Variants in CRYBG3 observed in about 807,000 individuals in gnomAD.
CRYBG3 encodes very large A-kinase anchor protein.
CRYBG3 carries 127 observed loss-of-function variants against 244.2 expected under a neutral mutation model. The observed-to-expected ratio is 0.52, with a 90% confidence interval of 0.45 to 0.60. The LOEUF is 0.60. Among genes scored for constraint, CRYBG3 ranks in the 20% least tolerant of loss-of-function variants. The pLI is 0.00. For missense variants in CRYBG3, 3,325 were observed against 3,442.5 expected (o/e 0.97, Z 0.85); for synonymous variants, 1,132 against 1,195.8 (o/e 0.95, Z 1.10).
intron 1 of CRYBG3, among the ~76,000 whole-genome samples, chr3:97,839,158 TG>T (rs2038777217): frequency 6.6e-6 from 1 of 152,128 alleles, no homozygotes; most frequent in Admixed American, 6.6e-5. Flanking sequence ...TGAAATACCC[TG>T]GGTCCCAAAG....
At chr3:97,886,891 G>T (rs2039514443) in intron 8 of CRYBG3, 124 bp downstream of exon 8, 2 of 766,068 alleles carry the variant, frequency 2.6e-6, no homozygotes, top group South Asian at 2.6e-5. Context: ...AAGAAAGACT[G>T]CAGGGGTTAA....
intron 17 of CRYBG3, among the ~76,000 whole-genome samples, chr3:97,928,238 G>A (rs997744159): frequency 3.9e-5 from 6 of 151,902 alleles, no homozygotes; most frequent in African/African-American, 1.4e-4. Context: ...GCAGAATATC[G>A]AATATGTTCT....
At chr3:97,827,846 T>TACAGCATTATGTG (rs2038598799) in intron 1 of CRYBG3, among the ~76,000 whole-genome samples, 1 of 152,146 alleles carries the variant, frequency 6.6e-6, no homozygotes, top group Non-Finnish European at 1.5e-5. Flanking sequence ...ATTCAAAGCC[T>TACAGCATTATGTG]ACAGCATTAT....
chr3:97,838,412 G>A lies in CRYBG3; in HGVS notation c.150-4783G>A, dbSNP rs548436873. On this transcript the variant is annotated intron_variant, in intron 1 of 21. Transcript: ENST00000389622. ...TCAGACCATTGTTTATCAAGAATGG[G>A]GTCAGAGGGCCACCTGCATTAGAAC... Among the ~76,000 whole-genome samples, 231 of 152,156 alleles carry A rather than the reference G, an allele frequency of 1.5e-3. 2 individuals carry two copies. The highest frequency in any genetic ancestry group is 2.5e-3 in the Non-Finnish European group (169 of 67,982).
chr3:97,862,090 G>GT (rs5851082), intron 2 of CRYBG3, among the ~76,000 whole-genome samples: 102,822 of 150,522 alleles, frequency 0.68, 36,897 homozygotes, highest in East Asian at 0.81. Flanking sequence ...GGAGAAACAA[G>GT]TTTTTTTTTT....
chr3:97,912,193 C>A lies in CRYBG3; in HGVS notation c.8031C>A (p.Phe2677Leu). ...HLLKAFSKPG[F>L]QGECIDFTEE... is the part of the protein sequence containing the mutation. Reference sequence around the variant, plus strand: ...TCAAAGCATTCAGCAAACCAGGGTTCCAAGGTGAATGTATAGATTTTACAG... The same window carrying A: ...TCAAAGCATTCAGCAAACCAGGGTTACAAGGTGAATGTATAGATTTTACAG... The change falls in exon 16 of 22, where the codon TTC becomes TTA. Residue 2677 changes from phenylalanine (F) to leucine (L), a missense_variant. Coordinates refer to ENST00000389622, the MANE Select transcript of CRYBG3 (RefSeq NM_153605.4). The A allele has an allele frequency of 6.2e-7, 1 of 1,601,930 alleles. No homozygotes were observed. Among genetic ancestry groups the A allele is most frequent in the Non-Finnish European group, 8.5e-7 (1 of 1,173,758 alleles).
At chr3:97,930,741 A>T (rs1428761319) in intron 17 of CRYBG3, among the ~76,000 whole-genome samples, 1 of 152,066 alleles carries the variant, frequency 6.6e-6, no homozygotes, top group Non-Finnish European at 1.5e-5. Flanking sequence ...AGTGGCTGCC[A>T]TATTGGAGAG....
rs2039331345 is a variant in CRYBG3 at position 97,873,550 on chromosome 3, G to A, written c.2356G>A (p.Val786Met). Residue 786 changes from valine (V) to methionine (M), a missense_variant, in exon 4 of 22, where the codon GTG (valine) becomes ATG (methionine). Val to Met is a conservative substitution (Grantham distance 21, BLOSUM62 1). Around this residue, in one of 4 missense-constraint regions of CRYBG3, gnomAD observed 1,526 missense variants for 1,443.2 expected, o/e 1.06. Coordinates refer to ENST00000389622, the MANE Select transcript of CRYBG3 (RefSeq NM_153605.4). ...TCAAGACCCTAATAGAGTAGAGTTAGTGTCTTCAAACACTAAAGCAAATAT... is the reference window on the plus strand; with the variant it reads ...TCAAGACCCTAATAGAGTAGAGTTAATGTCTTCAAACACTAAAGCAAATAT... ...LSQDPNRVELVSSNTKANMSI... is the reference protein window; with the variant it reads ...LSQDPNRVELMSSNTKANMSI... 6.5e-7 allele frequency: 1 copy of A among 1,535,480 alleles called. No individual in the cohort carries two copies. Among genetic ancestry groups the A allele is most frequent in the Non-Finnish European group, 8.7e-7 (1 of 1,146,826 alleles).
rs551471291 is a variant in CRYBG3 at position 97,848,254 on chromosome 3, T to A, written c.216+4993T>A. 6.6e-5 allele frequency among the ~76,000 whole-genome samples: 10 copies of A among 152,312 alleles called. No homozygotes were observed. The East Asian group carries it at 1.7e-3, about 26-fold the overall frequency. ...AGGGAAATTAATTACTGAACCAATT[T>A]TTAAAATATGTATGGCTTTAGTGTA... On this transcript the variant is annotated intron_variant, in intron 2 of 21. Transcript: ENST00000389622.
Position 97,908,370 on chromosome 3 carries a change from A to G in CRYBG3, c.8005-3797A>G, listed in dbSNP as rs1026182625. 6.6e-5 allele frequency among the ~76,000 whole-genome samples: 10 copies of G among 152,174 alleles called. No individual in the cohort carries two copies. In the East Asian group the frequency reaches 1.7e-3, roughly 26 times the overall value. ...GGTGTTAAAGTCTCCCATTATTAAT[A>G]TGTGGGAGTCTAAGTCTCTTTTTAG... On this transcript the variant is annotated intron_variant, in intron 15 of 21. Transcript: ENST00000389622.
chr3:97,881,026 C>A, intron 6 of CRYBG3, 46 bp from the exon 7 acceptor site: 3 of 1,459,520 alleles, frequency 2.1e-6, no homozygotes, highest in Middle Eastern at 1.8e-4. Flanking sequence ...TGCCTTATTT[C>A]TTAGAAAATT....
chr3:97,898,088 T>C (rs9826126), intron 12 of CRYBG3, among the ~76,000 whole-genome samples: 69,289 of 151,500 alleles, frequency 0.46, 16,693 homozygotes, highest in East Asian at 0.67. Context: ...GGCATGGTGG[T>C]GGGCACCTGT....
At chr3:97,849,132 C>T (rs565012823) in intron 2 of CRYBG3, among the ~76,000 whole-genome samples, 4 of 152,222 alleles carry the variant, frequency 2.6e-5, no homozygotes, top group South Asian at 4.1e-4. Flanking sequence ...TGTAGTAGGG[C>T]GGGTCCTTAT....
intron 4 of CRYBG3, among the ~76,000 whole-genome samples, chr3:97,878,464 T>C (rs2108221382): frequency 6.6e-6 from 1 of 152,286 alleles, no homozygotes; most frequent in South Asian, 2.1e-4. Context: ...TGTATAAAGT[T>C]TGTTTCATAA....
chr3:97,834,946 A>G (rs1352918389), intron 1 of CRYBG3, among the ~76,000 whole-genome samples: 1 of 152,166 alleles, frequency 6.6e-6, no homozygotes, highest in African/African-American at 2.4e-5. Context: ...AAGCACACTC[A>G]TAACCCTACC....
In CRYBG3 at chr3:97,874,358, G is replaced by T. The variant is rs1044886351; in HGVS notation, c.3164G>T (p.Gly1055Val). 20 of 1,526,432 alleles carry T rather than the reference G, an allele frequency of 1.3e-5. No homozygotes were observed. The highest frequency in any genetic ancestry group is 2.8e-5 in the African/African-American group (2 of 72,260). 94.6% of individuals were successfully genotyped at this position (1,526,432 alleles called of 1,614,324 possible). A position where few individuals can be genotyped will look rare whatever the true frequency, so the allele number is the denominator to read the frequency against. The change falls in exon 4 of 22, where the codon GGT (glycine) becomes GTT (valine). Residue 1055 changes from glycine to valine, a missense_variant. Gly to Val is a moderately radical substitution (Grantham distance 109). Coordinates refer to ENST00000389622, the MANE Select transcript of CRYBG3 (RefSeq NM_153605.4). ...AAAGAGAACATCCATTTTTTAAATG[G>T]TGGTATTGATAGTGTGTCATCTTCC... ...RKKENIHFLN[G>V]GIDSVSSSSS...
At chr3:97,879,534 A>C (rs374223771) in intron 4 of CRYBG3, among the ~76,000 whole-genome samples, 170 bp from the exon 5 acceptor site, 3 of 152,312 alleles carry the variant, frequency 2.0e-5, no homozygotes, top group Middle Eastern at 3.4e-3. Context: ...ACAATGTGTT[A>C]ATTTCCTATA....
intron 10 of CRYBG3, among the ~76,000 whole-genome samples, chr3:97,892,510 T>G (rs2039591349): frequency 6.6e-6 from 1 of 152,186 alleles, no homozygotes; most frequent in Non-Finnish European, 1.5e-5. Flanking sequence ...TTCACCATTC[T>G]TCTACCCAAG....
chr3:97,872,753 A>C lies in CRYBG3; in HGVS notation c.1559A>C (p.Lys520Thr). ...GKRLSAQDSQKNVAVREIRRE... is the reference protein window; with the variant it reads ...GKRLSAQDSQTNVAVREIRRE... ...AGATTGTCTGCCCAAGACTCACAGAAAAATGTGGCTGTTAGAGAAATCAGG... is the reference window on the plus strand; with the variant it reads ...AGATTGTCTGCCCAAGACTCACAGACAAATGTGGCTGTTAGAGAAATCAGG... Residue 520 changes from lysine to threonine, a missense_variant, in exon 4 of 22, where the codon AAA becomes ACA. This residue lies in a region of CRYBG3 where 1,526 missense variants were observed against 1,443.2 expected (regional missense o/e 1.06). Coordinates refer to ENST00000389622, the MANE Select transcript of CRYBG3 (RefSeq NM_153605.4). 6.5e-7 allele frequency: 1 copy of C among 1,536,000 alleles called. No individual in the cohort carries two copies. Among genetic ancestry groups the C allele is most frequent in the Non-Finnish European group, 8.7e-7 (1 of 1,146,816 alleles).
Sources: allele counts gnomAD v4.1 joint callset (sites outside exome capture counted in the v4.1 genomes callset), GRCh38; gene constraint gnomAD v4.1.1; regional missense constraint gnomAD v4.1.1; transcripts MANE v1.5; gene names NCBI Gene and HGNC (gene_info 2026-07-23, HGNC 2026-07-21).